Variants in DPP6 observed in about 807,000 individuals in gnomAD.
The protein encoded by DPP6 is dipeptidyl peptidase like 6, also known as A-type potassium channel modulatory protein DPP6.
A neutral mutation model predicts 122.6 loss-of-function variants in DPP6; 69 were observed. The observed-to-expected ratio is 0.56, with a 90% confidence interval of 0.46 to 0.69. The LOEUF (loss-of-function observed/expected upper bound fraction) is 0.69, where lower values mean the gene tolerates loss of function less well. Ranked by LOEUF, DPP6 falls within the 30% of genes least tolerant of loss-of-function variation. DPP6 has a pLI of 0.00. For missense variants in DPP6, 928 were observed against 1,116.9 expected, an observed-to-expected ratio of 0.83 and a Z score of 2.41; for synonymous variants, 418 against 433.1, an observed-to-expected ratio of 0.97 and a Z score of 0.43.
At chr7:154,620,163 C>T (rs927653773) in intron 5 of DPP6, among the ~76,000 whole-genome samples, 1 of 152,128 alleles carries the variant, frequency 6.6e-6, no homozygotes, top group East Asian at 1.9e-4. Context: ...GGACTGAAGA[C>T]CCACATTAGC....
upstream of DPP6, among the ~76,000 whole-genome samples, chr7:154,051,926 C>A (rs1185314685): frequency 6.6e-6 from 1 of 151,886 alleles, no homozygotes; most frequent in South Asian, 2.1e-4. Flanking sequence ...CATTCGCACC[C>A]CAGGTCCTCG....
chr7:154,498,113 G>C (rs557621278), intron 3 of DPP6, among the ~76,000 whole-genome samples: 1 of 152,330 alleles, frequency 6.6e-6, no homozygotes, highest in South Asian at 2.1e-4. Flanking sequence ...CATCTGAACT[G>C]ACATGGTGCT....
chr7:154,196,931 C>G (rs1798898686), intron 1 of DPP6, among the ~76,000 whole-genome samples: 1 of 152,114 alleles, frequency 6.6e-6, no homozygotes, highest in South Asian at 2.1e-4. Context: ...ACCTCCATGA[C>G]TTTGCACCCT....
At chr7:154,599,782 G>A (rs1230235764) in intron 5 of DPP6, among the ~76,000 whole-genome samples, 1 of 150,904 alleles carries the variant, frequency 6.6e-6, no homozygotes, top group Non-Finnish European at 1.5e-5. Flanking sequence ...TTGATTTTCT[G>A]TTCTTGCGAT....
chr7:154,826,481 T>C (rs1800150677), intron 16 of DPP6, among the ~76,000 whole-genome samples: 1 of 152,208 alleles, frequency 6.6e-6, no homozygotes, highest in South Asian at 2.1e-4. Flanking sequence ...TACGGACTCA[T>C]GGAGATTCAC....
chr7:154,845,525 A>T (rs991669627), intron 16 of DPP6, among the ~76,000 whole-genome samples: 4 of 152,210 alleles, frequency 2.6e-5, no homozygotes, highest in Non-Finnish European at 4.4e-5. Context: ...TCAAGGGGGA[A>T]GGGAGGAGGG....
chr7:154,432,638 T>C (rs1257509098), intron 1 of DPP6, among the ~76,000 whole-genome samples: 4 of 152,218 alleles, frequency 2.6e-5, no homozygotes, highest in African/African-American at 7.2e-5. Flanking sequence ...TTATAATGCA[T>C]TGGGTTTGGT....
intron 1 of DPP6, among the ~76,000 whole-genome samples, chr7:154,024,555 G>T (rs1285499654): frequency 6.6e-6 from 1 of 152,098 alleles, no homozygotes. Context: ...TTGAAAGGTG[G>T]TGTGGTATCA....
At chr7:154,091,126 A>G (rs932676075) in intron 1 of DPP6, among the ~76,000 whole-genome samples, 3 of 152,002 alleles carry the variant, frequency 2.0e-5, no homozygotes, top group African/African-American at 7.3e-5. Context: ...TTCTCAAAAA[A>G]AAAAAAAAAT....
intron 6 of DPP6, among the ~76,000 whole-genome samples, chr7:154,640,821 A>G (rs1836037382): frequency 6.6e-6 from 1 of 152,250 alleles, no homozygotes; most frequent in Non-Finnish European, 1.5e-5. Flanking sequence ...AAGAAAACTA[A>G]GAGATTTTCT....
chr7:154,794,389 G>T lies in DPP6; in HGVS notation c.1260+187G>T, dbSNP rs572270560. Among the ~76,000 whole-genome samples the T allele has an allele frequency of 1.4e-3, 209 of 152,342 alleles. 1 individual carries two copies. Among genetic ancestry groups the T allele is most frequent in the African/African-American group, 4.8e-3 (198 of 41,588 alleles). On this transcript the variant is annotated intron_variant, in intron 11 of 25. Transcript: ENST00000377770. Reference sequence around the variant, plus strand: ...GGCTGCCACCTCGTGGCTGGTGCAGGCGCTGCCGCAGACCCGACCGAACCC... The same window carrying T: ...GGCTGCCACCTCGTGGCTGGTGCAGTCGCTGCCGCAGACCCGACCGAACCC...
intron 1 of DPP6, among the ~76,000 whole-genome samples, chr7:154,077,631 T>C (rs980546951): frequency 1.4e-4 from 21 of 151,984 alleles, no homozygotes; most frequent in African/African-American, 3.1e-4. Flanking sequence ...AATGGCCCTG[T>C]TGAGAACCTT....
At position 154,873,839 on chromosome 7, in the gene DPP6, C is replaced by T. The variant is rs565561511; in HGVS notation, c.1883+1146C>T. On this transcript the variant is annotated intron_variant, in intron 19 of 25. Transcript: ENST00000377770. ...ATGCACACACGCATACATAAACACA[C>T]ACATATGCATACCCACATGCACACA... Among the ~76,000 whole-genome samples the T allele has an allele frequency of 7.0e-3, 1,046 of 148,850 alleles. 8 individuals are homozygous for T. Among genetic ancestry groups the T allele is most frequent in the African/African-American group, 0.024 (980 of 40,402 alleles).
intron 16 of DPP6, among the ~76,000 whole-genome samples, chr7:154,838,055 C>T (rs1801223160): frequency 6.6e-6 from 1 of 152,230 alleles, no homozygotes; most frequent in Admixed American, 6.5e-5. Flanking sequence ...CTCCAGGGAC[C>T]CAGCAGCCAC....
At chr7:154,819,431 T>A (rs34287589) in intron 16 of DPP6, among the ~76,000 whole-genome samples, 19,477 of 151,614 alleles carry the variant, frequency 0.13, 1,283 homozygotes, top group African/African-American at 0.16. Context: ...ATAAATAAAT[T>A]AATTAATTAA....
At chr7:154,173,479 A>G (rs1395405529) in intron 1 of DPP6, among the ~76,000 whole-genome samples, 2 of 152,046 alleles carry the variant, frequency 1.3e-5, no homozygotes, top group Non-Finnish European at 2.9e-5. Flanking sequence ...CTTTCACCCT[A>G]ACAAGGCCGT....
intron 1 of DPP6, chr7:154,094,343 T>C (rs923610438): frequency 6.6e-6 from 1 of 152,410 alleles, no homozygotes; most frequent in African/African-American, 2.4e-5. Flanking sequence ...GCAGTTGAGT[T>C]CTTAGGGAAG....
chr7:153,986,913 A>G (rs1161473208), intron 1 of DPP6, among the ~76,000 whole-genome samples: 2 of 151,736 alleles, frequency 1.3e-5, no homozygotes, highest in East Asian at 3.9e-4. Context: ...TTCTAGTTGA[A>G]TCATTTAATT....
chr7:154,726,662 T>C (rs1488986203), intron 7 of DPP6, among the ~76,000 whole-genome samples: 1 of 152,230 alleles, frequency 6.6e-6, no homozygotes, highest in African/African-American at 2.4e-5. Flanking sequence ...CCTTATTGTC[T>C]TGGTGATTAA....
Sources: gnomAD v4.1 joint callset for allele counts (sites outside exome capture counted in the v4.1 genomes callset) on GRCh38, gnomAD v4.1.1 for gene constraint, MANE v1.5 for transcripts, NCBI Gene and HGNC (gene_info 2026-07-23, HGNC 2026-07-21) for gene names.